Variants in FYB2 observed in about 807,000 individuals in gnomAD.
FYB2 encodes the protein FYN binding protein 2, also known as FYN-binding protein 2.
FYB2 carries 103 observed loss-of-function variants against 94.1 expected under a neutral mutation model. The observed-to-expected ratio is 1.09, with a 90% CI of 0.93 to 1.29. FYB2 has a LOEUF of 1.29. Ranked by LOEUF, FYB2 falls within the 50% of genes most tolerant of loss-of-function variation. The pLI is 0.00. For synonymous variants in FYB2, 293 were observed against 287.9 expected (o/e 1.02, Z -0.18); for missense variants, 896 against 841.5 (o/e 1.06, Z -0.80).
At chr1:56,777,963 T>G (rs919644304) in intron 4 of FYB2, among the ~76,000 whole-genome samples, 5 of 152,094 alleles carry the variant, frequency 3.3e-5, no homozygotes, top group Non-Finnish European at 5.9e-5. Flanking sequence ...TTTAATAATT[T>G]TTTTAAAAAA....
At chr1:56,750,814 G>T (rs1056409096) in intron 9 of FYB2, among the ~76,000 whole-genome samples, 1 of 151,952 alleles carries the variant, frequency 6.6e-6, no homozygotes, top group Admixed American at 6.6e-5. Context: ...GGAATATGAA[G>T]TCACTTACCA....
chr1:56,738,753 C>G (rs1310544464), intron 13 of FYB2, 100 bp from the exon 14 acceptor site: 2 of 1,235,762 alleles, frequency 1.6e-6, no homozygotes, highest in Non-Finnish European at 2.3e-6. Context: ...TGCTGGATTG[C>G]CCTTCTTGCC....
chr1:56,820,074 A>T (rs184460508), upstream of FYB2, among the ~76,000 whole-genome samples: 1,009 of 151,904 alleles, frequency 6.6e-3, 8 homozygotes, highest in African/African-American at 0.023. Context: ...CCAAAAATAT[A>T]AAAAAAATTA....
intron 3 of FYB2, 151 bp from the exon 4 acceptor site, chr1:56,787,359 C>A: frequency 2.4e-6 from 2 of 830,638 alleles, no homozygotes; most frequent in Non-Finnish European, 4.0e-6. Context: ...CCCCAGCACC[C>A]AGGGGATGCC....
intron 5 of FYB2, 92 bp from the exon 6 acceptor site, chr1:56,758,842 A>G: frequency 9.9e-7 from 1 of 1,013,316 alleles, no homozygotes; most frequent in East Asian, 2.7e-5. Context: ...AGATTCCAGA[A>G]TTCAGTTTTC....
chr1:56,821,183 C>T (rs6672416), upstream of FYB2, among the ~76,000 whole-genome samples: 17,707 of 152,242 alleles, frequency 0.12, 1,389 homozygotes, highest in Non-Finnish European at 0.17. Flanking sequence ...GATAATTGGG[C>T]TGTCAAATTC....
chr1:56,799,429 A>G (rs1646470944), intron 1 of FYB2, among the ~76,000 whole-genome samples: 1 of 152,202 alleles, frequency 6.6e-6, no homozygotes, highest in Non-Finnish European at 1.5e-5. Context: ...AATCCCAGGA[A>G]GCCAATTTGC....
intron 3 of FYB2, among the ~76,000 whole-genome samples, chr1:56,787,827 C>A (rs185525483): frequency 4.5e-4 from 68 of 152,316 alleles, no homozygotes; most frequent in Non-Finnish European, 8.7e-4. Flanking sequence ...TGCTGACAAA[C>A]CTTCTTCTCA....
chr1:56,738,764 C>G, intron 13 of FYB2, 111 bp from the exon 14 acceptor site: 1 of 1,070,612 alleles, frequency 9.3e-7, no homozygotes, highest in Admixed American at 2.2e-5. Flanking sequence ...CCTTCTTGCC[C>G]TGGTATTCTC....
chr1:56,778,184 C>T (rs936068954), intron 4 of FYB2, among the ~76,000 whole-genome samples: 3 of 152,166 alleles, frequency 2.0e-5, no homozygotes, highest in Non-Finnish European at 4.4e-5. Context: ...TCTTTCTCAA[C>T]CACCAGGTCT....
chr1:56,796,084 G>A (rs1251524286), intron 1 of FYB2, among the ~76,000 whole-genome samples: 1 of 152,086 alleles, frequency 6.6e-6, no homozygotes, highest in African/African-American at 2.4e-5. Flanking sequence ...ATAGTGACTG[G>A]GTGTCTACCA....
At position 56,719,545 on chromosome 1, in the gene FYB2, C is replaced by T. The variant is rs751513270; in HGVS notation, c.*126G>A. The stretch of plus-strand genomic sequence containing the variant: ...TTATTTTTCTCTTTTAAGTTCAGAA[C>T]GAAAGTTTCCACAGATTCCACCATC... On this transcript the variant is annotated 3_prime_UTR_variant, in exon 20 of 20. Coordinates refer to ENST00000343433, the MANE Select transcript of FYB2 (RefSeq NM_001004303.5). 14 of 798,500 alleles carry T rather than the reference C, an allele frequency of 1.8e-5. No homozygotes were observed. Among genetic ancestry groups the T allele is most frequent in the African/African-American group, 3.6e-5 (2 of 56,140 alleles). 49.5% of individuals were successfully genotyped at this position (798,500 alleles called of 1,614,324 possible).
chr1:56,740,458 C>T (rs993751258), intron 13 of FYB2, among the ~76,000 whole-genome samples: 3 of 152,014 alleles, frequency 2.0e-5, no homozygotes, highest in African/African-American at 7.2e-5. Context: ...TTTCCCTCTA[C>T]CCTTATTTTC....
Position 56,804,984 on chromosome 1 carries a change from G to A in FYB2, c.10-12181C>T, listed in dbSNP as rs564054735. Among the ~76,000 whole-genome samples the A allele has an allele frequency of 4.6e-5, 7 of 152,166 alleles. No homozygotes were observed. The South Asian group carries it at 6.2e-4, about 14-fold the overall frequency. On this transcript the variant is annotated intron_variant, in intron 1 of 19. Transcript: ENST00000343433. Reference sequence around the variant, plus strand: ...TGTGCATCTGCTGTTGCCCCTGCCCGGAATGCCCTTCCTGCTTTTCTTTGC... The same window carrying A: ...TGTGCATCTGCTGTTGCCCCTGCCCAGAATGCCCTTCCTGCTTTTCTTTGC...
In FYB2 at chr1:56,781,446, C is replaced by T. The variant is rs183170375; in HGVS notation, c.953+5729G>A. On this transcript the variant is annotated intron_variant, in intron 4 of 19. Transcript: ENST00000343433. Reference sequence around the variant, plus strand: ...TTTATTTCATTTTGACTACCCTGTCCGTGTTAAGTTACTTAACTTCTCTGT... The same window carrying T: ...TTTATTTCATTTTGACTACCCTGTCTGTGTTAAGTTACTTAACTTCTCTGT... 8.1e-4 allele frequency among the ~76,000 whole-genome samples: 124 copies of T among 152,222 alleles called. 1 individual carries two copies. Among genetic ancestry groups the T allele is most frequent in the Non-Finnish European group, 2.4e-4 (16 of 68,016 alleles).
chr1:56,720,172 C>A lies in FYB2; in HGVS notation c.2131+1G>T, dbSNP rs781034175. The A allele has an allele frequency of 6.2e-7, 1 of 1,604,818 alleles. No individual in the cohort carries two copies. The highest frequency in any genetic ancestry group is 1.7e-5 in the Admixed American group (1 of 58,484). On this transcript the variant is annotated splice_donor_variant, in intron 18 of 19. Transcript: ENST00000343433. LOFTEE classifies it high-confidence loss of function. ...TATGAAAGATAAGCAAATAAACTTA[C>A]ATTTGCCTTTAGAATTACGACATAT... is the stretch of plus-strand genomic sequence containing the variant.
At chr1:56,784,017 C>G (rs1375879001) in intron 4 of FYB2, among the ~76,000 whole-genome samples, 2 of 152,136 alleles carry the variant, frequency 1.3e-5, no homozygotes, top group Non-Finnish European at 2.9e-5. Context: ...CCTCACCACA[C>G]TAGTATGAGT....
chr1:56,790,446 G>A (rs987881140), intron 2 of FYB2, among the ~76,000 whole-genome samples: 2 of 152,188 alleles, frequency 1.3e-5, no homozygotes, highest in Non-Finnish European at 2.9e-5. Context: ...ACTGTGCTAA[G>A]TAGTTTACAT....
intron 9 of FYB2, among the ~76,000 whole-genome samples, chr1:56,747,628 G>A (rs529866907): frequency 6.6e-6 from 1 of 152,152 alleles, no homozygotes; most frequent in Non-Finnish European, 1.5e-5. Flanking sequence ...TGGTATATAT[G>A]TGCCACATTT....
Sources: gnomAD v4.1 joint callset for allele counts (sites outside exome capture counted in the v4.1 genomes callset) on GRCh38, gnomAD v4.1.1 for gene constraint, MANE v1.5 for transcripts, NCBI Gene and HGNC (gene_info 2026-07-23, HGNC 2026-07-21) for gene names.